TRPM3: variants seen among roughly 807,000 people sequenced by gnomAD.
The protein encoded by TRPM3 is long transient receptor potential channel 3.
Under a neutral mutation model 181.2 loss-of-function variants are expected in TRPM3, and 77 were observed. The observed-to-expected ratio is 0.42, with a 90% confidence interval of 0.35 to 0.51. TRPM3 has a LOEUF of 0.51. TRPM3 is among the 20% of genes least tolerant of loss of function. The probability of loss-of-function intolerance (pLI) is 0.01; values close to 1 mark genes in which losing one functional copy is unlikely to be tolerated. For synonymous variants in TRPM3, 745 were observed against 796.4 expected (o/e 0.94, Z 1.09); for missense variants, 1,759 against 2,196.7 (o/e 0.80, Z 3.98).
intron 5 of TRPM3, among the ~76,000 whole-genome samples, chr9:70,834,490 C>A (rs1205127508): frequency 2.0e-5 from 3 of 152,140 alleles, no homozygotes; most frequent in African/African-American, 4.8e-5. Context: ...TCCAGCAATT[C>A]TTTGAAACTC....
At chr9:71,273,879 C>T (rs1588231922) in intron 1 of TRPM3, among the ~76,000 whole-genome samples, 1 of 152,200 alleles carries the variant, frequency 6.6e-6, no homozygotes, top group African/African-American at 2.4e-5. Flanking sequence ...CAGTTATATT[C>T]TGCACAGTGC....
At chr9:71,247,016 G>A (rs567770382) in intron 1 of TRPM3, among the ~76,000 whole-genome samples, 1 of 152,148 alleles carries the variant, frequency 6.6e-6, no homozygotes, top group Admixed American at 6.6e-5. Flanking sequence ...AGCTCCAAAA[G>A]TCTAAAATTA....
chr9:70,672,445 C>A (rs1038776290), intron 9 of TRPM3, among the ~76,000 whole-genome samples: 4 of 152,168 alleles, frequency 2.6e-5, no homozygotes, highest in Non-Finnish European at 5.9e-5. Flanking sequence ...CATTTGAGCC[C>A]TGGATGCCAC....
At chr9:71,159,877 A>G (rs1682716149) in intron 1 of TRPM3, among the ~76,000 whole-genome samples, 1 of 152,160 alleles carries the variant, frequency 6.6e-6, no homozygotes, top group Non-Finnish European at 1.5e-5. Context: ...TTCTAAGGAA[A>G]ACATTTACTC....
At chr9:70,929,076 C>T (rs1402956350) in intron 1 of TRPM3, among the ~76,000 whole-genome samples, 1 of 152,136 alleles carries the variant, frequency 6.6e-6, no homozygotes, top group African/African-American at 2.4e-5. Context: ...TCTATATTAC[C>T]CTGGTTGTTC....
At chr9:71,263,088 C>A (rs1380123817) in intron 1 of TRPM3, among the ~76,000 whole-genome samples, 1 of 152,216 alleles carries the variant, frequency 6.6e-6, no homozygotes, top group Non-Finnish European at 1.5e-5. Flanking sequence ...CTAAAAATAA[C>A]TAATGATATC....
chr9:70,565,537 C>T (rs530512184), intron 22 of TRPM3, among the ~76,000 whole-genome samples: 1 of 152,146 alleles, frequency 6.6e-6, no homozygotes, highest in South Asian at 2.1e-4. Context: ...ATGTGATCCA[C>T]CCACCTTGGC....
At chr9:70,597,552 C>T (rs1199089804) in intron 21 of TRPM3, among the ~76,000 whole-genome samples, 1 of 152,134 alleles carries the variant, frequency 6.6e-6, no homozygotes, top group Non-Finnish European at 1.5e-5. Context: ...TGAGAGGGAG[C>T]TTGTTTACTG....
At chr9:71,156,686 C>T (rs756217419) in intron 1 of TRPM3, among the ~76,000 whole-genome samples, 24 of 152,010 alleles carry the variant, frequency 1.6e-4, no homozygotes, top group Non-Finnish European at 2.8e-4. Flanking sequence ...TTATTCACCA[C>T]CATACTTAGG....
intron 25 of TRPM3, among the ~76,000 whole-genome samples, chr9:70,540,024 A>T (rs929915509): frequency 6.6e-6 from 1 of 152,028 alleles, no homozygotes; most frequent in Non-Finnish European, 1.5e-5. Flanking sequence ...TTTTTTATAG[A>T]GCTGGGGTCC....
intron 1 of TRPM3, among the ~76,000 whole-genome samples, chr9:71,391,648 T>C (rs2093066159): frequency 6.6e-6 from 1 of 152,080 alleles, no homozygotes; most frequent in Non-Finnish European, 1.5e-5. Context: ...TCGGGGAGTT[T>C]TATAAATTTG....
In TRPM3 at chr9:70,533,084, A is replaced by C. The variant is rs1157887179; in HGVS notation, c.*2869T>G. ...TTAGAACTTAATTTTCATGCACAAC[A>C]AAAGAATCAGGTAATTGCAAGATCA... On this transcript the variant is annotated 3_prime_UTR_variant, in exon 26 of 26. Transcript: ENST00000677713. 6.6e-6 allele frequency: 1 copy of C among 152,222 alleles called. No individual in the cohort carries two copies. Among genetic ancestry groups the C allele is most frequent in the Non-Finnish European group, 1.5e-5 (1 of 68,036 alleles). The allele number at this position is 152,222 out of a possible 1,614,324, so 9.4% of individuals were successfully genotyped here.
At chr9:71,163,087 T>C (rs986051077) in intron 1 of TRPM3, among the ~76,000 whole-genome samples, 7 of 152,168 alleles carry the variant, frequency 4.6e-5, no homozygotes, top group Non-Finnish European at 7.3e-5. Flanking sequence ...ATGTTCATGC[T>C]AATGAAATGG....
chr9:71,187,664 A>G (rs2077755633), intron 1 of TRPM3, among the ~76,000 whole-genome samples: 1 of 152,006 alleles, frequency 6.6e-6, no homozygotes, highest in African/African-American at 2.4e-5. Flanking sequence ...TTATAAAATA[A>G]AAAAACTCAA....
chr9:71,363,801 T>C (rs1043694200), intron 1 of TRPM3, among the ~76,000 whole-genome samples: 5 of 152,124 alleles, frequency 3.3e-5, no homozygotes, highest in Non-Finnish European at 7.3e-5. Flanking sequence ...TTTAAGTGCT[T>C]GCTGAAGCCT....
intron 1 of TRPM3, among the ~76,000 whole-genome samples, chr9:71,335,828 C>T (rs1384859513): frequency 6.6e-6 from 1 of 152,018 alleles, no homozygotes; most frequent in Non-Finnish European, 1.5e-5. Flanking sequence ...TACTAAATAT[C>T]TTTAACCCTT....
intron 1 of TRPM3, among the ~76,000 whole-genome samples, chr9:71,425,801 T>C (rs895668388): frequency 2.0e-5 from 3 of 152,272 alleles, no homozygotes; most frequent in East Asian, 1.9e-4. Context: ...TCTGGCCCCA[T>C]GTTTCTCCCT....
At chr9:71,132,115 C>A (rs1416077571) in intron 1 of TRPM3, among the ~76,000 whole-genome samples, 1 of 152,156 alleles carries the variant, frequency 6.6e-6, no homozygotes, top group African/African-American at 2.4e-5. Context: ...TGATGCCTCA[C>A]AAAGTGGTTC....
intron 1 of TRPM3, among the ~76,000 whole-genome samples, chr9:70,900,745 G>T (rs186847658): frequency 2.0e-5 from 3 of 152,048 alleles, no homozygotes; most frequent in African/African-American, 7.2e-5. Flanking sequence ...GCCCTAAATC[G>T]TGGTGATGGT....
Sources: allele counts gnomAD v4.1 joint callset (sites outside exome capture counted in the v4.1 genomes callset), GRCh38; gene constraint gnomAD v4.1.1; transcripts MANE v1.5; gene names NCBI Gene and HGNC (gene_info 2026-07-23, HGNC 2026-07-21).